Variants in NDRG1 observed in about 807,000 individuals in gnomAD.
The protein encoded by NDRG1 is N-myc downstream regulated 1, also known as protein NDRG1.
NDRG1 carries 32 observed loss-of-function variants against 56.9 expected under a neutral mutation model. The observed-to-expected ratio is 0.56, with a 90% CI of 0.42 to 0.76. NDRG1 has a LOEUF of 0.76. NDRG1 is among the 30% of genes least tolerant of loss of function. The pLI, the probability that NDRG1 is intolerant of heterozygous loss-of-function variation, is 0.00. For missense variants in NDRG1, 507 were observed against 545.7 expected, an observed-to-expected ratio of 0.93 and a Z score of 0.71; for synonymous variants, 211 against 204.1, an observed-to-expected ratio of 1.03 and a Z score of -0.29.
chr8:133,259,551 G>A (rs976351361), intron 5 of NDRG1: 1 of 428,276 alleles, frequency 2.3e-6, no homozygotes, highest in Non-Finnish European at 4.4e-6. Context: ...GAGACACTTG[G>A]CCTCACAAGA....
rs200628022 is a variant in NDRG1 at position 133,280,199 on chromosome 8, G to A, written c.99+33C>T. On this transcript the variant is annotated intron_variant, in intron 3 of 15. Coordinates refer to ENST00000323851, the MANE Select transcript of NDRG1 (RefSeq NM_006096.4). ...AAAGGAAAAAGAGAAGACGGGATGA[G>A]GAAGGGGAAGGAAAGCCACATCCTC... is the stretch of plus-strand genomic sequence containing the variant. 1.7e-3 allele frequency: 2,793 copies of A among 1,612,088 alleles called. 13 individuals are homozygous for A. In the Middle Eastern group the frequency reaches 0.018, roughly 11 times the overall value.
intron 1 of NDRG1, among the ~76,000 whole-genome samples, chr8:133,285,464 G>A (rs564907535): frequency 5.8e-4 from 88 of 152,216 alleles, no homozygotes; most frequent in African/African-American, 2.1e-3. Flanking sequence ...CCTGGGCCCC[G>A]CACTGCCCAA....
chr8:133,286,419 C>T (rs893265994), intron 1 of NDRG1, among the ~76,000 whole-genome samples: 3 of 152,216 alleles, frequency 2.0e-5, no homozygotes, highest in African/African-American at 4.8e-5. Context: ...CCAGCTCTCT[C>T]GTTCTCCAGA....
At chr8:133,265,399 G>C (rs1174747687) in intron 3 of NDRG1, among the ~76,000 whole-genome samples, 1 of 152,318 alleles carries the variant, frequency 6.6e-6, no homozygotes, top group Middle Eastern at 3.4e-3. Context: ...CCCAGGGATG[G>C]AAAAGAGTGA....
chr8:133,251,581 A>G (rs1000246880), intron 9 of NDRG1, among the ~76,000 whole-genome samples: 12 of 152,242 alleles, frequency 7.9e-5, no homozygotes, highest in African/African-American at 2.9e-4. Context: ...CCAGTGAAAC[A>G]GAGACAGTGG....
intron 15 of NDRG1, chr8:133,240,683 G>C (rs1436294252): frequency 2.0e-5 from 3 of 152,208 alleles, no homozygotes; most frequent in African/African-American, 7.2e-5. Flanking sequence ...CCCAAGACCT[G>C]CAGGAGGCTT....
chr8:133,244,208 T>A lies in NDRG1; in HGVS notation c.891+147A>T, dbSNP rs1402742739. The A allele has an allele frequency of 5.8e-5, 58 of 1,001,842 alleles. 1 individual carries two copies. The Admixed American group carries it at 1.1e-3, about 19-fold the overall frequency. 62.1% of individuals were successfully genotyped at this position (1,001,842 alleles called of 1,614,324 possible). A position where few individuals can be genotyped will look rare whatever the true frequency, so the allele number is the denominator to read the frequency against. On this transcript the variant is annotated intron_variant, in intron 14 of 15. Coordinates refer to ENST00000323851, the MANE Select transcript of NDRG1 (RefSeq NM_006096.4). ...GTTGGTTCCTAGGGAATCAGAGTCC[T>A]CCTATATAGCACCTTTTCCCAACAG...
chr8:133,241,302 C>T (rs973860125), intron 15 of NDRG1: 2 of 155,416 alleles, frequency 1.3e-5, no homozygotes, highest in Non-Finnish European at 2.9e-5. Context: ...CAGGGTCTGT[C>T]CTAGTCCTGG....
intron 2 of NDRG1, 64 bp downstream of exon 2, chr8:133,284,185 G>A: frequency 6.8e-7 from 1 of 1,476,902 alleles, no homozygotes; most frequent in Non-Finnish European, 9.5e-7. Context: ...GAGCTCCGGT[G>A]TGCCTGTGTG....
chr8:133,242,159 C>T lies in NDRG1; in HGVS notation c.892-85G>A, dbSNP rs1281666168. On this transcript the variant is annotated intron_variant, in intron 14 of 15. Transcript: ENST00000323851. ...CATGGGGGGCTGTGCCTGTGGTCAC[C>T]TTCATTTGAGAGTTTGGCTCAAGAC... 4 of 1,399,020 alleles carry T rather than the reference C, an allele frequency of 2.9e-6. No homozygotes were observed. In the South Asian group the frequency reaches 4.6e-5, roughly 16 times the overall value. 86.7% of individuals were successfully genotyped at this position (1,399,020 alleles called of 1,614,324 possible).
At chr8:133,254,018 T>C (rs1564286387) in intron 9 of NDRG1, among the ~76,000 whole-genome samples, 1 of 149,238 alleles carries the variant, frequency 6.7e-6, no homozygotes, top group Non-Finnish European at 1.5e-5. Flanking sequence ...AAACTATTGA[T>C]CCACTCATTA....
intron 3 of NDRG1, among the ~76,000 whole-genome samples, chr8:133,276,807 G>A (rs1340911831): frequency 6.6e-6 from 1 of 152,154 alleles, no homozygotes; most frequent in Non-Finnish European, 1.5e-5. Context: ...CTTGAGAATG[G>A]ACTGATACCT....
chr8:133,260,667 T>A (rs1452274085), intron 5 of NDRG1, among the ~76,000 whole-genome samples: 1 of 152,218 alleles, frequency 6.6e-6, no homozygotes, highest in Admixed American at 6.5e-5. Flanking sequence ...GTCCCACTGT[T>A]TTAATACACT....
chr8:133,289,858 T>C (rs777667142), intron 1 of NDRG1, among the ~76,000 whole-genome samples: 1 of 152,184 alleles, frequency 6.6e-6, no homozygotes, highest in Non-Finnish European at 1.5e-5. Context: ...CCTGCCACTT[T>C]CCTATTCCAT....
At chr8:133,254,406 T>G in intron 9 of NDRG1, 133 bp downstream of exon 9, 16 of 773,460 alleles carry the variant, frequency 2.1e-5, no homozygotes, top group Non-Finnish European at 3.2e-5. Flanking sequence ...TCACATTATC[T>G]CATGAGCACC....
At chr8:133,284,890 C>T in intron 1 of NDRG1, 1 of 454,572 alleles carries the variant, frequency 2.2e-6, no homozygotes, top group Non-Finnish European at 4.4e-6. Context: ...GGACTCTCGG[C>T]TGCCTGCTAA....
At chr8:133,239,436 T>A in intron 15 of NDRG1, 1 of 538,684 alleles carries the variant, frequency 1.9e-6, no homozygotes, top group Non-Finnish European at 3.4e-6. Context: ...CCTGTTCCCA[T>A]CTGTAAAGCA....
chr8:133,246,058 T>C (rs991676588), intron 13 of NDRG1, among the ~76,000 whole-genome samples: 11 of 152,214 alleles, frequency 7.2e-5, no homozygotes, highest in African/African-American at 2.7e-4. Flanking sequence ...GCACCCCGGC[T>C]GAGAGGCCCC....
chr8:133,237,322 G>C lies in NDRG1; in HGVS notation c.*1556C>G, dbSNP rs538625557. On this transcript the variant is annotated 3_prime_UTR_variant, in exon 16 of 16. Transcript: ENST00000323851. ...ACTTTTCTACTCAAGGCCAGGGAAG[G>C]CCTCCAAGGTGATGGGCGGCAGGTA... 4.3e-6 allele frequency: 1 copy of C among 232,056 alleles called. No individual in the cohort carries two copies. The highest frequency in any genetic ancestry group is 6.1e-5 in the East Asian group (1 of 16,432). 14.4% of individuals were successfully genotyped at this position (232,056 alleles called of 1,614,324 possible). A position where few individuals can be genotyped will look rare whatever the true frequency, so the allele number is the denominator to read the frequency against.
Sources: gnomAD v4.1 joint callset for allele counts (sites outside exome capture counted in the v4.1 genomes callset) on GRCh38, gnomAD v4.1.1 for gene constraint, MANE v1.5 for transcripts, NCBI Gene and HGNC (gene_info 2026-07-23, HGNC 2026-07-21) for gene names.